Variants in KLHL2 observed in about 807,000 individuals in gnomAD.
KLHL2 encodes the protein kelch like family member 2.
A neutral mutation model predicts 75.8 loss-of-function variants in KLHL2; 15 were observed. The ratio of observed to expected loss-of-function variants is 0.20; its 90% CI spans 0.13 to 0.30. The LOEUF (loss-of-function observed/expected upper bound fraction) is 0.30, where lower values mean the gene tolerates loss of function less well. Among genes scored for constraint, KLHL2 ranks in the 10% least tolerant of loss-of-function variants. The probability of loss-of-function intolerance (pLI) is 1.00; values close to 1 mark genes in which losing one functional copy is unlikely to be tolerated. For missense variants in KLHL2, 381 were observed against 741.0 expected (o/e 0.51, Z 5.64); for synonymous variants, 214 against 251.9 (o/e 0.85, Z 1.42).
intron 5 of KLHL2, among the ~76,000 whole-genome samples, chr4:165,289,957 A>G (rs566491270): frequency 6.6e-6 from 1 of 152,350 alleles, no homozygotes; most frequent in Non-Finnish European, 1.5e-5. Context: ...CACTGTAGAC[A>G]TACATTTGAA....
chr4:165,231,071 T>C (rs1353483866), intron 3 of KLHL2, among the ~76,000 whole-genome samples: 4 of 152,264 alleles, frequency 2.6e-5, no homozygotes, highest in African/African-American at 9.6e-5. Context: ...AATACTATGT[T>C]AATTTCTGGC....
chr4:165,207,957 G>C lies in KLHL2; in HGVS notation c.26+55G>C. The C allele has an allele frequency of 7.9e-7, 1 of 1,262,256 alleles. No individual in the cohort carries two copies. The highest frequency in any genetic ancestry group is 4.4e-5 in the Admixed American group (1 of 22,978). 78.2% of individuals were successfully genotyped at this position (1,262,256 alleles called of 1,614,324 possible). A position where few individuals can be genotyped will look rare whatever the true frequency, so the allele number is the denominator to read the frequency against. ...CTGCGGATAAGCGCGCCGCTGCGGC[G>C]CGTGTCGCCGGCCGCGGGCGCAGCT... On this transcript the variant is annotated intron_variant, in intron 1 of 14. Coordinates refer to ENST00000226725, the MANE Select transcript of KLHL2 (RefSeq NM_007246.4). This position sits in a 1 kb window ranked among gnomAD's most constrained non-coding sequence, Gnocchi z 4.2.
intron 1 of KLHL2, 36 bp from the exon 2 acceptor site, chr4:165,219,898 T>A: frequency 1.3e-6 from 2 of 1,576,794 alleles, no homozygotes; most frequent in Non-Finnish European, 1.7e-6. Flanking sequence ...TTTAATAAGA[T>A]CTTTTTCTGT....
At chr4:165,220,899 A>T (rs1737934414) in intron 2 of KLHL2, among the ~76,000 whole-genome samples, 1 of 152,178 alleles carries the variant, frequency 6.6e-6, no homozygotes, top group Non-Finnish European at 1.5e-5. Context: ...TTAAAAGGGT[A>T]ATATATGTAT....
At chr4:165,222,361 C>G (rs1452820644) in intron 2 of KLHL2, among the ~76,000 whole-genome samples, 4 of 152,010 alleles carry the variant, frequency 2.6e-5, no homozygotes, top group Non-Finnish European at 4.4e-5. Context: ...TTTATAAGCT[C>G]CAGTCTTCAT....
rs756739602 is a variant in KLHL2 at position 165,297,736 on chromosome 4, A to G, written c.771+11A>G. Reference sequence around the variant, plus strand: ...GAATATTTAGTTCAGGTAAATGCATATGCAAAACATATGAATCCACACAGC... The same window carrying G: ...GAATATTTAGTTCAGGTAAATGCATGTGCAAAACATATGAATCCACACAGC... On this transcript the variant is annotated intron_variant, in intron 7 of 14. Transcript: ENST00000226725. 1 of 1,472,352 alleles carries G rather than the reference A, an allele frequency of 6.8e-7. No individual in the cohort carries two copies. The highest frequency in any genetic ancestry group is 9.5e-7 in the Non-Finnish European group (1 of 1,050,476). 91.2% of individuals were successfully genotyped at this position (1,472,352 alleles called of 1,614,324 possible).
intron 5 of KLHL2, among the ~76,000 whole-genome samples, chr4:165,268,512 G>A (rs897670645): frequency 4.6e-5 from 7 of 152,112 alleles, no homozygotes; most frequent in Admixed American, 1.3e-4. Flanking sequence ...GGTACATTCT[G>A]TCTTCGTTTT....
At chr4:165,246,382 G>T (rs1313230191) in intron 4 of KLHL2, among the ~76,000 whole-genome samples, 1 of 151,958 alleles carries the variant, frequency 6.6e-6, no homozygotes, top group Non-Finnish European at 1.5e-5. Flanking sequence ...TTTGGGCAGG[G>T]AATTCATGCT....
At chr4:165,218,080 C>T (rs978861932) in intron 1 of KLHL2, among the ~76,000 whole-genome samples, 4 of 152,176 alleles carry the variant, frequency 2.6e-5, no homozygotes, top group African/African-American at 9.7e-5. Context: ...TCATCACCTC[C>T]ACTGCGACTG....
rs778235578 is a variant in KLHL2 at position 165,311,132 on chromosome 4, C to T, written c.1238-332C>T. On this transcript the variant is annotated intron_variant, in intron 10 of 14. Transcript: ENST00000226725. ...TCGGCCTCCCAAAGTGCTGGGATTA[C>T]AACATGTGAGGTTTTAACTGGTATT... 4.8e-4 allele frequency among the ~76,000 whole-genome samples: 73 copies of T among 152,172 alleles called. 1 individual carries two copies. The Middle Eastern group carries it at 0.02, about 43-fold the overall frequency.
chr4:165,310,195 G>T (rs1280482349), intron 9 of KLHL2, among the ~76,000 whole-genome samples: 2 of 152,104 alleles, frequency 1.3e-5, no homozygotes, highest in Non-Finnish European at 2.9e-5. Flanking sequence ...TGTGGTGGCG[G>T]GCGCCTGTAG....
chr4:165,235,391 G>A (rs1402379654), intron 3 of KLHL2, among the ~76,000 whole-genome samples: 1 of 152,126 alleles, frequency 6.6e-6, no homozygotes. Context: ...AGTAGAGATA[G>A]GGTTTCGCCA....
At chr4:165,263,665 G>A (rs1478456318) in intron 5 of KLHL2, among the ~76,000 whole-genome samples, 2 of 150,568 alleles carry the variant, frequency 1.3e-5, no homozygotes, top group South Asian at 2.1e-4. Flanking sequence ...GTGTGGTGGT[G>A]CAATCTTGGC....
intron 4 of KLHL2, among the ~76,000 whole-genome samples, chr4:165,259,108 T>G (rs1480995328): frequency 6.6e-6 from 1 of 152,114 alleles, no homozygotes; most frequent in Non-Finnish European, 1.5e-5. Context: ...TATATTCTTT[T>G]TTTTTTTTCT....
At chr4:165,282,767 A>G (rs1047527165) in intron 5 of KLHL2, among the ~76,000 whole-genome samples, 1 of 144,236 alleles carries the variant, frequency 6.9e-6, no homozygotes, top group African/African-American at 2.7e-5. Flanking sequence ...GTGTTGCAAA[A>G]TAAGAGTGAA....
chr4:165,318,426 TAGTA>T (rs1412876797), intron 14 of KLHL2, among the ~76,000 whole-genome samples: 1 of 152,218 alleles, frequency 6.6e-6, no homozygotes, highest in Non-Finnish European at 1.5e-5. Context: ...TCCATTCTCT[TAGTA>T]AGATAAATGT....
intron 4 of KLHL2, among the ~76,000 whole-genome samples, chr4:165,250,677 A>G (rs1203200277): frequency 6.6e-6 from 1 of 152,234 alleles, no homozygotes; most frequent in Admixed American, 6.5e-5. Context: ...TTGCAAAAAT[A>G]TCTAAATGCT....
At chr4:165,255,195 A>G (rs1323146435) in intron 4 of KLHL2, among the ~76,000 whole-genome samples, 1 of 152,154 alleles carries the variant, frequency 6.6e-6, no homozygotes, top group African/African-American at 2.4e-5. Context: ...CTTTGCCCCC[A>G]AATTTCTCCT....
chr4:165,248,847 T>C (rs184424877), intron 4 of KLHL2, among the ~76,000 whole-genome samples: 1 of 152,186 alleles, frequency 6.6e-6, no homozygotes, highest in Admixed American at 6.5e-5. Context: ...ACTTGGAGTG[T>C]GAGAGAGAAA....
Sources: gnomAD v4.1 joint callset for allele counts (sites outside exome capture counted in the v4.1 genomes callset) on GRCh38, gnomAD v4.1.1 for gene constraint, Gnocchi (gnomAD v3.1) non-coding constraint, MANE v1.5 for transcripts, NCBI Gene and HGNC (gene_info 2026-07-23, HGNC 2026-07-21) for gene names.